Variants in DHX30 observed in about 807,000 individuals in gnomAD.
The protein encoded by DHX30 is ATP-dependent RNA helicase DHX30.
A neutral mutation model predicts 116.9 loss-of-function variants in DHX30; 4 were observed. That is an observed-to-expected ratio of 0.03 (90% CI 0.02 to 0.08). The LOEUF (loss-of-function observed/expected upper bound fraction) is 0.08. Among genes scored for constraint, DHX30 ranks in the 10% least tolerant of loss-of-function variants. The pLI is 1.00. For missense variants in DHX30, 871 were observed against 1,595.1 expected (o/e 0.55, Z 7.73); for synonymous variants, 697 against 651.7 (o/e 1.07, Z -1.06).
intron 6 of DHX30, among the ~76,000 whole-genome samples, chr3:47,840,511 C>A (rs1436612027): frequency 6.6e-6 from 1 of 150,766 alleles, no homozygotes; most frequent in African/African-American, 2.4e-5. Context: ...TGGTGCATGC[C>A]TTTAGTCCCA....
intron 6 of DHX30, among the ~76,000 whole-genome samples, chr3:47,839,697 T>G (rs546022094): frequency 6.6e-5 from 10 of 150,932 alleles, no homozygotes; most frequent in Admixed American, 1.3e-4. Flanking sequence ...TTGTTTGTTT[T>G]TTTGTGGAGT....
At chr3:47,816,275 G>C in intron 3 of DHX30, 1 of 984,950 alleles carries the variant, frequency 1.0e-6, no homozygotes, top group South Asian at 4.7e-5. Context: ...AACAATTATT[G>C]GTGCTTGGGA....
At chr3:47,834,226 C>T (rs1337075437) in intron 6 of DHX30, among the ~76,000 whole-genome samples, 1 of 152,128 alleles carries the variant, frequency 6.6e-6, no homozygotes, top group Non-Finnish European at 1.5e-5. Context: ...GTCTCAGCCT[C>T]CCGAGTAGCT....
In DHX30 at chr3:47,820,946, T is replaced by TTTTA. The variant is rs538102799; in HGVS notation, c.124+2851_124+2854dup. Among the ~76,000 whole-genome samples the TTTTA allele has an allele frequency of 2.8e-3, 431 of 151,468 alleles. 4 individuals carry two copies. Among genetic ancestry groups the TTTTA allele is most frequent in the African/African-American group, 8.9e-3 (366 of 41,310 alleles). ...CCTTTGTTTTATTTCTTCTTTCTAT[T>TTTTA]TTTATTTATTTATTTATTTATTTAT... On this transcript the variant is annotated intron_variant, in intron 4 of 21. Transcript: ENST00000445061.
At chr3:47,829,430 A>G (rs1335585986) in intron 6 of DHX30, among the ~76,000 whole-genome samples, 1 of 142,842 alleles carries the variant, frequency 7.0e-6, no homozygotes, top group Admixed American at 7.4e-5. Flanking sequence ...TGCAACCTCC[A>G]CTTTCTAGGT....
intron 6 of DHX30, among the ~76,000 whole-genome samples, chr3:47,834,579 C>A (rs1476618275): frequency 3.3e-5 from 5 of 152,108 alleles, no homozygotes; most frequent in African/African-American, 1.2e-4. Flanking sequence ...AAGAGATCCT[C>A]CCACCTCAAC....
At chr3:47,820,877 A>G (rs1316478933) in intron 4 of DHX30, among the ~76,000 whole-genome samples, 1 of 151,778 alleles carries the variant, frequency 6.6e-6, no homozygotes, top group East Asian at 1.9e-4. Flanking sequence ...TGTTGGTGTA[A>G]AGAAAGGGGT....
At chr3:47,832,379 G>A (rs942803488) in intron 6 of DHX30, among the ~76,000 whole-genome samples, 1 of 152,078 alleles carries the variant, frequency 6.6e-6, no homozygotes, top group Non-Finnish European at 1.5e-5. Context: ...TTGAGATGGG[G>A]TCTAGCTATG....
chr3:47,804,663 C>T (rs2035440273), intron 1 of DHX30, among the ~76,000 whole-genome samples: 1 of 152,136 alleles, frequency 6.6e-6, no homozygotes, highest in East Asian at 1.9e-4. Context: ...AGGAATGAAC[C>T]GTAGTACATT....
chr3:47,817,412 A>G (rs1437256837), intron 3 of DHX30, among the ~76,000 whole-genome samples: 3 of 152,148 alleles, frequency 2.0e-5, no homozygotes, highest in African/African-American at 7.2e-5. Flanking sequence ...GTTACTAATA[A>G]GTAGCATTTA....
rs1407443818 is a variant in DHX30 at position 47,824,997 on chromosome 3, C to T, written c.125-2350C>T. The T allele has an allele frequency of 1.1e-5, 6 of 561,744 alleles. No individual in the cohort carries two copies. The East Asian group carries it at 1.7e-4, about 16-fold the overall frequency. 34.8% of individuals were successfully genotyped at this position (561,744 alleles called of 1,614,324 possible). ...GGCCGGCCGCTCCCGTTCTCTTCGCCCGGTCCCTGCCGCGCACAGGCCTCG... is the reference window on the plus strand; with the variant it reads ...GGCCGGCCGCTCCCGTTCTCTTCGCTCGGTCCCTGCCGCGCACAGGCCTCG... On this transcript the variant is annotated intron_variant, in intron 4 of 21. Coordinates refer to ENST00000445061, the MANE Select transcript of DHX30 (RefSeq NM_138615.3).
At chr3:47,834,249 A>C (rs1244502607) in intron 6 of DHX30, among the ~76,000 whole-genome samples, 3 of 152,070 alleles carry the variant, frequency 2.0e-5, no homozygotes, top group Non-Finnish European at 4.4e-5. Context: ...GACTACGGGC[A>C]TGTGCCACCA....
intron 4 of DHX30, chr3:47,825,127 G>C (rs947426121): frequency 7.4e-6 from 5 of 674,802 alleles, no homozygotes; most frequent in Non-Finnish European, 1.3e-5. Context: ...TGGGCGACAG[G>C]GTCGCTCGCG....
chr3:47,803,304 A>C, intron 1 of DHX30, 92 bp downstream of exon 1: 1 of 386,270 alleles, frequency 2.6e-6, no homozygotes, highest in Non-Finnish European at 4.6e-6. Context: ...GCCCGGTCCG[A>C]CCGCCAGCCT....
rs2037372737 is a variant in DHX30, at chr3:47,841,509, T to C, written c.669-108T>C. On this transcript the variant is annotated intron_variant, in intron 7 of 21. Coordinates refer to ENST00000445061, the MANE Select transcript of DHX30 (RefSeq NM_138615.3). ...CCCATCCATTTCATGCCTTCTGCCCTTCTGGCTCCCTGCTGCAGCGCAGCG... is the reference window on the plus strand; with the variant it reads ...CCCATCCATTTCATGCCTTCTGCCCCTCTGGCTCCCTGCTGCAGCGCAGCG... 2.7e-6 allele frequency: 4 copies of C among 1,497,788 alleles called. No individual in the cohort carries two copies. In the East Asian group the frequency reaches 9.1e-5, roughly 34 times the overall value. The allele number at this position is 1,497,788 out of a possible 1,614,324, so 92.8% of individuals were successfully genotyped here.
chr3:47,816,227 C>A, intron 3 of DHX30: 2 of 984,548 alleles, frequency 2.0e-6, no homozygotes, highest in Non-Finnish European at 1.2e-6. Flanking sequence ...AGAATTGGGC[C>A]AATGCAACTG....
At chr3:47,815,361 G>A (rs1204386651) in intron 3 of DHX30, among the ~76,000 whole-genome samples, 1 of 152,186 alleles carries the variant, frequency 6.6e-6, no homozygotes, top group Non-Finnish European at 1.5e-5. Flanking sequence ...GCAGTGTGCT[G>A]TGAGGTTGCA....
At chr3:47,841,303 C>G in intron 7 of DHX30, 125 bp downstream of exon 7, 1 of 1,388,574 alleles carries the variant, frequency 7.2e-7, no homozygotes, top group Non-Finnish European at 9.7e-7. Flanking sequence ...CCTGTGTGCC[C>G]CATCACTCAG....
In DHX30 at chr3:47,847,154, C is replaced by A; in HGVS notation, c.1930-119C>A. 2 of 1,484,374 alleles carry A rather than the reference C, an allele frequency of 1.3e-6. No individual in the cohort carries two copies. The highest frequency in any genetic ancestry group is 1.9e-6 in the Non-Finnish European group (2 of 1,071,462). 92.0% of individuals were successfully genotyped at this position (1,484,374 alleles called of 1,614,324 possible). ...CTGGGGACTAACCCTGCCTGCGTGG[C>A]ACACGTGAGGATTGGAGTTGATGTC... On this transcript the variant is annotated intron_variant, in intron 11 of 21. Transcript: ENST00000445061. The surrounding 1 kb of genome is among the most constrained non-coding windows in gnomAD (Gnocchi z 5.5).
Sources: gnomAD v4.1 joint callset for allele counts (sites outside exome capture counted in the v4.1 genomes callset) on GRCh38, gnomAD v4.1.1 for gene constraint, Gnocchi (gnomAD v3.1) non-coding constraint, MANE v1.5 for transcripts, NCBI Gene and HGNC (gene_info 2026-07-23, HGNC 2026-07-21) for gene names.